LRRTM4: variants seen among roughly 807,000 people sequenced by gnomAD.
The protein encoded by LRRTM4 is leucine rich repeat transmembrane neuronal 4, also known as leucine-rich repeat transmembrane neuronal protein 4.
Under a neutral mutation model 47.6 loss-of-function variants are expected in LRRTM4, and 25 were observed. The observed-to-expected ratio is 0.53, with a 90% CI of 0.38 to 0.73. The LOEUF (loss-of-function observed/expected upper bound fraction) is 0.73, where lower values mean the gene tolerates loss of function less well. Ranked by LOEUF, LRRTM4 falls within the 30% of genes least tolerant of loss-of-function variation. LRRTM4 has a pLI of 0.00. For synonymous variants in LRRTM4, 311 were observed against 269.5 expected, an observed-to-expected ratio of 1.15 and a Z score of -1.51; for missense variants, 638 against 713.4, an observed-to-expected ratio of 0.89 and a Z score of 1.20.
intron 3 of LRRTM4, among the ~76,000 whole-genome samples, chr2:77,270,506 C>G: frequency 6.6e-6 from 1 of 152,106 alleles, no homozygotes; most frequent in East Asian, 1.9e-4. Flanking sequence ...GGAATTAACA[C>G]CTACTAGGGT....
At chr2:77,307,151 C>T (rs1471469492) in intron 3 of LRRTM4, among the ~76,000 whole-genome samples, 3 of 151,818 alleles carry the variant, frequency 2.0e-5, no homozygotes. Flanking sequence ...CCGCCCGCCT[C>T]GGCCTCCCAA....
intron 3 of LRRTM4, among the ~76,000 whole-genome samples, chr2:77,136,043 G>A (rs116662707): frequency 0.023 from 3,508 of 152,220 alleles, 67 homozygotes; most frequent in Admixed American, 0.057. Context: ...TGGCCGAATA[G>A]GAACAGCTTC....
chr2:77,305,199 A>C (rs1677239705), intron 3 of LRRTM4, among the ~76,000 whole-genome samples: 1 of 152,152 alleles, frequency 6.6e-6, no homozygotes, highest in East Asian at 1.9e-4. Context: ...CAACACCAAA[A>C]CATCAATTAT....
intron 3 of LRRTM4, among the ~76,000 whole-genome samples, chr2:77,159,537 GA>G (rs1291349431): frequency 5.7e-4 from 80 of 141,076 alleles, no homozygotes; most frequent in African/African-American, 1.9e-3. Context: ...AAAAAAAAAA[GA>G]AAAAAAAAGG....
chr2:76,761,649 C>T (rs1043136234), intron 3 of LRRTM4, among the ~76,000 whole-genome samples: 3 of 152,240 alleles, frequency 2.0e-5, no homozygotes, highest in Middle Eastern at 3.4e-3. Flanking sequence ...TAGCCCATTC[C>T]ACTTTGCACT....
chr2:77,005,952 TG>T (rs1443249168), intron 3 of LRRTM4, among the ~76,000 whole-genome samples: 4 of 152,154 alleles, frequency 2.6e-5, no homozygotes, highest in African/African-American at 9.7e-5. Context: ...ACAGAGAAAC[TG>T]AGGCACAAAG....
chr2:77,521,765 G>C lies in LRRTM4; in HGVS notation c.-94C>G. On this transcript the variant is annotated 5_prime_UTR_variant, in exon 2 of 4. Coordinates refer to ENST00000409884, the MANE Select transcript of LRRTM4 (RefSeq NM_001134745.3). ...CACCACCACCTTCATGACACAGTGC[G>C]GCTGTCATTCACACCATTCTGATCC... The C allele has an allele frequency of 1.4e-6, 2 of 1,420,412 alleles. No homozygotes were observed. Among genetic ancestry groups the C allele is most frequent in the Admixed American group, 3.4e-5 (2 of 58,956 alleles). 88.0% of individuals were successfully genotyped at this position (1,420,412 alleles called of 1,614,324 possible).
At chr2:77,212,040 T>C (rs1363012548) in intron 3 of LRRTM4, among the ~76,000 whole-genome samples, 1 of 152,036 alleles carries the variant, frequency 6.6e-6, no homozygotes, top group African/African-American at 2.4e-5. Flanking sequence ...TGTGATGGAT[T>C]TCAGGGTTAA....
intron 3 of LRRTM4, among the ~76,000 whole-genome samples, chr2:76,817,015 A>G (rs989773822): frequency 6.6e-6 from 1 of 151,632 alleles, no homozygotes; most frequent in South Asian, 2.1e-4. Context: ...GTTAAGCCAG[A>G]TTGTTCTATT....
intron 3 of LRRTM4, among the ~76,000 whole-genome samples, chr2:77,507,026 G>A (rs575844178): frequency 4.6e-5 from 7 of 151,926 alleles, no homozygotes; most frequent in African/African-American, 1.7e-4. Context: ...AATTTTTAAA[G>A]TATTACCTCT....
intron 3 of LRRTM4, among the ~76,000 whole-genome samples, chr2:76,904,157 A>T (rs1399427890): frequency 6.6e-6 from 1 of 152,232 alleles, no homozygotes; most frequent in Admixed American, 6.5e-5. Flanking sequence ...TGAGACTCAG[A>T]CATAATTCTT....
chr2:76,900,409 C>G (rs1289104546), intron 3 of LRRTM4, among the ~76,000 whole-genome samples: 2 of 127,540 alleles, frequency 1.6e-5, no homozygotes, highest in African/African-American at 6.1e-5. Flanking sequence ...ATGCTTATCT[C>G]TATTCTTGTT....
intron 3 of LRRTM4, among the ~76,000 whole-genome samples, chr2:77,037,416 G>C (rs1678873509): frequency 6.6e-6 from 1 of 151,698 alleles, no homozygotes. Flanking sequence ...AGTTCTCTCT[G>C]TAACCATTGC....
intron 3 of LRRTM4, among the ~76,000 whole-genome samples, chr2:77,282,896 A>G (rs957638804): frequency 1.4e-4 from 22 of 152,018 alleles, no homozygotes; most frequent in Non-Finnish European, 2.5e-4. Flanking sequence ...GAATCCTAGA[A>G]GTAAACTTAA....
At chr2:77,268,090 T>C (rs1676096393) in intron 3 of LRRTM4, among the ~76,000 whole-genome samples, 2 of 152,168 alleles carry the variant, frequency 1.3e-5, no homozygotes, top group African/African-American at 4.8e-5. Context: ...GATAATCTGA[T>C]CTATAACCAT....
At chr2:77,430,256 A>C (rs778288444) in intron 3 of LRRTM4, among the ~76,000 whole-genome samples, 21 of 152,366 alleles carry the variant, frequency 1.4e-4, no homozygotes, top group Non-Finnish European at 2.6e-4. Context: ...TGTTGTACAC[A>C]ATAAATACAT....
chr2:76,804,082 T>G (rs1485597196), intron 3 of LRRTM4, among the ~76,000 whole-genome samples: 1 of 152,096 alleles, frequency 6.6e-6, no homozygotes, highest in East Asian at 1.9e-4. Context: ...TTACTCCGAG[T>G]GCTGTTTTTC....
At chr2:76,891,647 TATTAGACG>T (rs938427367) in intron 3 of LRRTM4, among the ~76,000 whole-genome samples, 2 of 151,770 alleles carry the variant, frequency 1.3e-5, no homozygotes, top group African/African-American at 2.4e-5. Flanking sequence ...ACCTAAAAGG[TATTAGACG>T]ATTAGACTTT....
At chr2:77,315,710 T>C in intron 3 of LRRTM4, among the ~76,000 whole-genome samples, 1 of 152,136 alleles carries the variant, frequency 6.6e-6, no homozygotes, top group East Asian at 1.9e-4. Context: ...TCTGCCCTTT[T>C]GAGAAGTAAA....
Sources: allele counts gnomAD v4.1 joint callset (sites outside exome capture counted in the v4.1 genomes callset), GRCh38; gene constraint gnomAD v4.1.1; transcripts MANE v1.5; gene names NCBI Gene and HGNC (gene_info 2026-07-23, HGNC 2026-07-21).